The following RESF1 variants were observed in gnomAD, a reference collection of about 807,000 sequenced individuals.
RESF1 encodes the protein retroelement silencing factor 1.
Under a neutral mutation model 134.7 loss-of-function variants are expected in RESF1, and 65 were observed. The ratio of observed to expected loss-of-function variants is 0.48; its 90% confidence interval spans 0.40 to 0.59. The LOEUF (loss-of-function observed/expected upper bound fraction) is 0.59. RESF1 is among the 20% of genes least tolerant of loss of function. RESF1 has a pLI of 0.00. For missense variants in RESF1, 2,274 were observed against 2,002.7 expected, an observed-to-expected ratio of 1.14 and a Z score of -2.59; for synonymous variants, 762 against 702.2, an observed-to-expected ratio of 1.09 and a Z score of -1.35.
rs908226999 is a variant in RESF1, at chr12:31,983,692, T to C, written c.2737T>C (p.Phe913Leu). Residue 913 changes from phenylalanine to leucine, a missense_variant, in exon 4 of 6, where the codon TTC becomes CTC. Physicochemically the swap from Phe to Leu is conservative, Grantham distance 22. Transcript: ENST00000312561. ...TTACAATTCCCAAATAGCAAAGATA[T>C]TCAGCTCTCTTCCCTTGAAAATGGT... ...TSYNSQIAKI[F>L]SSLPLKMVEP... 6.2e-6 allele frequency: 10 copies of C among 1,613,828 alleles called. No individual in the cohort carries two copies. In the African/African-American group the frequency reaches 6.7e-5, roughly 11 times the overall value.
At chr12:31,990,829 C>G (rs1420521392) in intron 5 of RESF1, among the ~76,000 whole-genome samples, 1 of 152,116 alleles carries the variant, frequency 6.6e-6, no homozygotes, top group Non-Finnish European at 1.5e-5. Flanking sequence ...ATACCTTAGA[C>G]AAAGAGGCTG....
chr12:31,962,155 T>C (rs1239536148), intron 2 of RESF1, among the ~76,000 whole-genome samples: 1 of 151,318 alleles, frequency 6.6e-6, no homozygotes, highest in Admixed American at 6.6e-5. Flanking sequence ...GAGGTGGAGG[T>C]TGCAGTGACC....
chr12:31,967,678 G>A (rs997101780), intron 2 of RESF1, among the ~76,000 whole-genome samples: 6 of 103,232 alleles, frequency 5.8e-5, no homozygotes, highest in African/African-American at 2.3e-4. Flanking sequence ...TTTTTTTTGT[G>A]TGTGTGTGTG....
At chr12:31,963,925 T>G (rs1273930065) in intron 2 of RESF1, among the ~76,000 whole-genome samples, 1 of 152,260 alleles carries the variant, frequency 6.6e-6, no homozygotes, top group Non-Finnish European at 1.5e-5. Context: ...TTGCTTATTC[T>G]TCCATCAGTT....
intron 3 of RESF1, among the ~76,000 whole-genome samples, chr12:31,971,839 C>T (rs1041779517): frequency 6.6e-6 from 1 of 152,122 alleles, no homozygotes; most frequent in Non-Finnish European, 1.5e-5. Context: ...AGTCCATTTT[C>T]TGTTACTTAT....
chr12:31,982,732 A>G lies in RESF1; in HGVS notation c.1777A>G (p.Lys593Glu), dbSNP rs1329397060. ...TCTCGCTTTGCTTTCACAGGCACGT[A>G]AGACTCAGAAGACAGTATTAAAAGA... ...LLLALLSQAR[K>E]TQKTVLKDAN... is the part of the protein sequence containing the mutation. The change falls in exon 4 of 6, where the codon AAG (lysine) becomes GAG (glutamate). Residue 593 changes from lysine to glutamate, a missense_variant. Lys to Glu is a moderately conservative substitution (Grantham distance 56). Coordinates refer to ENST00000312561, the MANE Select transcript of RESF1 (RefSeq NM_018169.4). 1.2e-6 allele frequency: 2 copies of G among 1,613,846 alleles called. No individual in the cohort carries two copies. The highest frequency in any genetic ancestry group is 1.7e-6 in the Non-Finnish European group (2 of 1,179,786).
In RESF1 at chr12:31,982,586, C is replaced by T. The variant is rs1311014273; in HGVS notation, c.1631C>T (p.Ser544Leu). 8 of 1,613,932 alleles carry T rather than the reference C, an allele frequency of 5.0e-6. No homozygotes were observed. The highest frequency in any genetic ancestry group is 6.8e-6 in the Non-Finnish European group (8 of 1,180,006). Residue 544 changes from serine (S) to leucine (L), a missense_variant, in exon 4 of 6, where the codon TCA becomes TTA. Coordinates refer to ENST00000312561, the MANE Select transcript of RESF1 (RefSeq NM_018169.4). Reference sequence around the variant, plus strand: ...CAGGCAGTATTGAATACTCAGCTTTCATCAGAAAATGTTACCAAAGTTGAG... The same window carrying T: ...CAGGCAGTATTGAATACTCAGCTTTTATCAGAAAATGTTACCAAAGTTGAG... ...MTQAVLNTQL[S>L]SENVTKVEQN... is the part of the protein sequence containing the mutation.
intron 2 of RESF1, among the ~76,000 whole-genome samples, chr12:31,966,908 C>T (rs1939410170): frequency 6.6e-6 from 1 of 152,184 alleles, no homozygotes; most frequent in African/African-American, 2.4e-5. Flanking sequence ...CCGTGGTGCC[C>T]TGATGACTTG....
At chr12:31,988,334 T>TG (rs1940019149) in intron 5 of RESF1, among the ~76,000 whole-genome samples, 1 of 152,140 alleles carries the variant, frequency 6.6e-6, no homozygotes, top group Admixed American at 6.6e-5. Flanking sequence ...CCAAAATATT[T>TG]GGGAAAAAAA....
intron 3 of RESF1, among the ~76,000 whole-genome samples, chr12:31,971,813 A>G (rs1939513990): frequency 6.6e-6 from 1 of 152,182 alleles, no homozygotes; most frequent in Admixed American, 6.5e-5. Flanking sequence ...AATTCCTGGT[A>G]CCAATTGTCT....
intron 3 of RESF1, among the ~76,000 whole-genome samples, chr12:31,976,824 A>G (rs1592256544): frequency 6.6e-6 from 1 of 152,142 alleles, no homozygotes; most frequent in South Asian, 2.1e-4. Context: ...TGCTGTCTCC[A>G]GGGTAGCATA....
chr12:31,968,810 G>A (rs1565838543), intron 2 of RESF1, among the ~76,000 whole-genome samples: 1 of 152,312 alleles, frequency 6.6e-6, no homozygotes, highest in East Asian at 1.9e-4. Context: ...ACTGAAACCT[G>A]CTAGACATTA....
chr12:31,973,671 A>G (rs1474035587), intron 3 of RESF1, among the ~76,000 whole-genome samples: 1 of 121,538 alleles, frequency 8.2e-6, no homozygotes, highest in Non-Finnish European at 1.8e-5. Context: ...AAGGAGAGGG[A>G]TGGAGGAAAA....
chr12:31,963,943 G>A (rs1000543135), intron 2 of RESF1, among the ~76,000 whole-genome samples: 2 of 152,106 alleles, frequency 1.3e-5, no homozygotes, highest in African/African-American at 2.4e-5. Context: ...GTTAACAGAC[G>A]TTTGACACGT....
chr12:31,959,860 G>C (rs1228952765), intron 1 of RESF1: 1 of 152,382 alleles, frequency 6.6e-6, no homozygotes, highest in Non-Finnish European at 1.5e-5. Context: ...CGAAGGCTAG[G>C]ACGCATTTTG....
chr12:31,983,278 T>C lies in RESF1; in HGVS notation c.2323T>C (p.Ser775Pro). Residue 775 changes from serine to proline, a missense_variant, in exon 4 of 6, where the codon TCT becomes CCT. Transcript: ENST00000312561. ...AGTTCTGTCAGAGGTCAAAACATTG[T>C]CTGTCAAAGGAATAACACCTGCAGT... ...PLVLSEVKTL[S>P]VKGITPAVLP... 1 of 1,613,428 alleles carries C rather than the reference T, an allele frequency of 6.2e-7. No homozygotes were observed. Among genetic ancestry groups the C allele is most frequent in the Non-Finnish European group, 8.5e-7 (1 of 1,179,650 alleles).
At chr12:31,978,535 G>GTTTTT (rs202163423) in intron 3 of RESF1, among the ~76,000 whole-genome samples, 1 of 151,244 alleles carries the variant, frequency 6.6e-6, no homozygotes, top group African/African-American at 2.4e-5. Flanking sequence ...AGGTATTTGG[G>GTTTTT]GTTTTTTTTT....
Position 31,983,222 on chromosome 12 carries a change from C to G in RESF1, c.2267C>G (p.Thr756Arg). 1 of 1,609,190 alleles carries G rather than the reference C, an allele frequency of 6.2e-7. No homozygotes were observed. Among genetic ancestry groups the G allele is most frequent in the Non-Finnish European group, 8.5e-7 (1 of 1,177,960 alleles). ...TCAGGTATAAATATAACAAAGGGAA[C>G]AGAACTTCAGATAGCTGTAGTGTCA... ...ESSGINITKGTELQIAVVSPL... is the reference protein window; with the variant it reads ...ESSGINITKGRELQIAVVSPL... Residue 756 changes from threonine to arginine, a missense_variant, in exon 4 of 6, where the codon ACA becomes AGA. Coordinates refer to ENST00000312561, the MANE Select transcript of RESF1 (RefSeq NM_018169.4).
At chr12:31,975,264 G>GA (rs373522445) in intron 3 of RESF1, among the ~76,000 whole-genome samples, 11 of 149,768 alleles carry the variant, frequency 7.3e-5, no homozygotes, top group South Asian at 2.1e-4. Context: ...GACTCCATCT[G>GA]AAAAAAAAAG....
Sources: gnomAD v4.1 joint callset for allele counts (sites outside exome capture counted in the v4.1 genomes callset) on GRCh38, gnomAD v4.1.1 for gene constraint, MANE v1.5 for transcripts, NCBI Gene and HGNC (gene_info 2026-07-23, HGNC 2026-07-21) for gene names.